The following EXOSC5 variants were observed in gnomAD, a reference collection of about 807,000 sequenced individuals.
EXOSC5 encodes the protein exosome complex component RRP46.
Under a neutral mutation model 23.7 loss-of-function variants are expected in EXOSC5, and 15 were observed. That is an observed-to-expected ratio of 0.63 (90% CI 0.42 to 0.97). EXOSC5 has a LOEUF of 0.97. EXOSC5 is among the 50% of genes least tolerant of loss of function. The pLI is 0.00. For missense variants in EXOSC5, 305 were observed against 316.3 expected (o/e 0.96, Z 0.27); for synonymous variants, 143 against 140.9 (o/e 1.02, Z -0.11).
At chr19:41,392,680 G>C (rs114918102) in intron 2 of EXOSC5, among the ~76,000 whole-genome samples, 187 bp downstream of exon 2, 4,407 of 152,082 alleles carry the variant, frequency 0.029, 194 homozygotes, top group African/African-American at 0.1. Context: ...GAGGGAGGGA[G>C]AAATTAGAGG....
chr19:41,387,569 C>T lies in EXOSC5; in HGVS notation c.560G>A (p.Ser187Asn). Residue 187 changes from serine (S) to asparagine (N), a missense_variant, in exon 5 of 6, where the codon AGC (serine) becomes AAC (asparagine). Ser to Asn is a conservative substitution (Grantham distance 46). Transcript: ENST00000221233. Reference protein sequence around the residue: ...ARAVLTFALDSVERKLLMSST... With the variant: ...ARAVLTFALDNVERKLLMSST... ...GGACATCAGCAGCTTCCGTTCCACG[C>T]TGTCCAGGGCAAAGGTCAGGACTGC... is the stretch of plus-strand genomic sequence containing the variant. The T allele has an allele frequency of 6.2e-7, 1 of 1,606,646 alleles. No individual in the cohort carries two copies. Among genetic ancestry groups the T allele is most frequent in the Non-Finnish European group, 8.5e-7 (1 of 1,177,080 alleles).
chr19:41,392,010 A>G (rs1379169832), intron 2 of EXOSC5, 48 bp from the exon 3 acceptor site: 1 of 1,557,734 alleles, frequency 6.4e-7, no homozygotes, highest in South Asian at 1.2e-5. Context: ...CATTTGACTC[A>G]CCTTCCTCCA....
chr19:41,396,617 CT>C (rs60285872), intron 1 of EXOSC5, among the ~76,000 whole-genome samples: 381 of 130,148 alleles, frequency 2.9e-3, no homozygotes, highest in African/African-American at 5.7e-3. Context: ...TTGCCCTAAT[CT>C]TTTTTTTTTT....
chr19:41,391,425 A>G (rs1320912874), intron 3 of EXOSC5: 1 of 177,218 alleles, frequency 5.6e-6, no homozygotes, highest in East Asian at 1.5e-4. Flanking sequence ...CTCTGGAGTC[A>G]GACTGGCCTG....
chr19:41,389,935 T>C, intron 3 of EXOSC5, 30 bp from the exon 4 acceptor site: 1 of 233,622 alleles, frequency 4.3e-6, no homozygotes. Context: ...GTTAAGTTTC[T>C]TTTTTTTTTT....
chr19:41,387,594 C>T lies in EXOSC5; in HGVS notation c.535G>A (p.Ala179Thr), dbSNP rs151051277. Residue 179 changes from alanine (A) to threonine (T), a missense_variant, in exon 5 of 6, where the codon GCA (alanine) becomes ACA (threonine). Physicochemically the swap from Ala to Thr is moderately conservative, Grantham distance 58. Transcript: ENST00000221233. Reference protein sequence around the residue: ...PTSKQEKEARAVLTFALDSVE... With the variant: ...PTSKQEKEARTVLTFALDSVE... ...CTGTCCAGGGCAAAGGTCAGGACTGCCCGGGCCTCCTAGGGACAAGGGGTA... is the reference window on the plus strand; with the variant it reads ...CTGTCCAGGGCAAAGGTCAGGACTGTCCGGGCCTCCTAGGGACAAGGGGTA... 104 of 1,598,060 alleles carry T rather than the reference C, an allele frequency of 6.5e-5. No individual in the cohort carries two copies. Among genetic ancestry groups the T allele is most frequent in the Non-Finnish European group, 8.6e-5 (101 of 1,173,392 alleles).
chr19:41,397,085 T>G, intron 1 of EXOSC5, 96 bp downstream of exon 1: 1 of 1,402,740 alleles, frequency 7.1e-7, no homozygotes, highest in Non-Finnish European at 9.8e-7. Flanking sequence ...AACGCAGGAG[T>G]GACATTTACC....
intron 5 of EXOSC5, among the ~76,000 whole-genome samples, chr19:41,387,284 T>A (rs1164856008): frequency 6.6e-6 from 1 of 152,208 alleles, no homozygotes; most frequent in East Asian, 1.9e-4. Context: ...CATGCCCTCT[T>A]CTGACTTCAA....
At chr19:41,395,122 G>A (rs188031234) in intron 1 of EXOSC5, among the ~76,000 whole-genome samples, 27 of 151,976 alleles carry the variant, frequency 1.8e-4, no homozygotes, top group Admixed American at 1.6e-3. Context: ...AACTGCACCC[G>A]GCCTCTTCTT....
intron 3 of EXOSC5, 119 bp downstream of exon 3, chr19:41,391,722 T>G: frequency 3.0e-6 from 4 of 1,342,416 alleles, no homozygotes; most frequent in Non-Finnish European, 3.9e-6. Flanking sequence ...CCTTCTTCAG[T>G]GAGCTGGTAC....
chr19:41,392,236 T>G, intron 2 of EXOSC5: 1 of 465,526 alleles, frequency 2.1e-6, no homozygotes, highest in Non-Finnish European at 3.8e-6. Flanking sequence ...ACTCCCACCC[T>G]AGCAGGTCCA....
intron 4 of EXOSC5, among the ~76,000 whole-genome samples, chr19:41,389,406 C>G (rs2039006732): frequency 1.3e-5 from 2 of 152,236 alleles, no homozygotes; most frequent in South Asian, 4.1e-4. Context: ...GCTGGGATTA[C>G]AGGCGTGCGC....
At position 41,397,349 on chromosome 19, in the gene EXOSC5, C is replaced by T; in HGVS notation, c.-21G>A. ...TCCATCGCGCCGAGCCCACGTGCGG[C>T]TGCAGTTGTCACTTCCGCCTGGCAG... On this transcript the variant is annotated 5_prime_UTR_variant, in exon 1 of 6. Transcript: ENST00000221233. 6.3e-7 allele frequency: 1 copy of T among 1,595,454 alleles called. No homozygotes were observed. Among genetic ancestry groups the T allele is most frequent in the Non-Finnish European group, 8.6e-7 (1 of 1,166,162 alleles).
At position 41,389,908 on chromosome 19, in the gene EXOSC5, G is replaced by A; in HGVS notation, c.385-3C>T. 1.9e-6 allele frequency: 3 copies of A among 1,583,946 alleles called. No homozygotes were observed. Among genetic ancestry groups the A allele is most frequent in the Non-Finnish European group, 2.6e-6 (3 of 1,170,910 alleles). ...GCATTCAGACAACAGGCCAGGAGCT[G>A]AGCACCACAGGAAATGGTTAAGTTT... On this transcript the variant is annotated splice_polypyrimidine_tract_variant and splice_region_variant and intron_variant, in intron 3 of 5. Transcript: ENST00000221233.
chr19:41,386,957 C>T (rs1295459729), intron 5 of EXOSC5, among the ~76,000 whole-genome samples: 1 of 152,170 alleles, frequency 6.6e-6, no homozygotes, highest in East Asian at 1.9e-4. Context: ...CTGACAGCAA[C>T]AGGACTCAGA....
chr19:41,393,343 C>T (rs1352522733), intron 1 of EXOSC5, among the ~76,000 whole-genome samples: 1 of 152,158 alleles, frequency 6.6e-6, no homozygotes, highest in Non-Finnish European at 1.5e-5. Context: ...CGGCTCATTG[C>T]AGCCTTGACC....
intron 5 of EXOSC5, among the ~76,000 whole-genome samples, chr19:41,387,245 A>G (rs547277161): frequency 6.6e-6 from 1 of 151,948 alleles, no homozygotes; most frequent in African/African-American, 2.4e-5. Context: ...ATGGCTCACC[A>G]CTCTGAGCTG....
In EXOSC5 at chr19:41,392,900, C is replaced by T. The variant is rs753050670; in HGVS notation, c.229G>A (p.Glu77Lys). ...SKEIFNKATL[E>K]VILRPKIGLP... ...CCAATCTTCGGCCTCAGGATCACTT[C>T]GAGTGTGGCCTTGTTGAAAATCTCT... is the stretch of plus-strand genomic sequence containing the variant. The change falls in exon 2 of 6, where the codon GAA becomes AAA. Residue 77 changes from glutamate (E) to lysine (K), a missense_variant. Transcript: ENST00000221233. 9.9e-6 allele frequency: 16 copies of T among 1,613,852 alleles called. No individual in the cohort carries two copies. Among genetic ancestry groups the T allele is most frequent in the African/African-American group, 8.0e-5 (6 of 74,914 alleles).
Position 41,386,498 on chromosome 19 carries a change from G to C in EXOSC5, c.*135C>G, listed in dbSNP as rs1313624066. 1.3e-6 allele frequency: 1 copy of C among 786,236 alleles called. No homozygotes were observed. The allele number at this position is 786,236 out of a possible 1,614,324, so 48.7% of individuals were successfully genotyped here. A position where few individuals can be genotyped will look rare whatever the true frequency, so the allele number is the denominator to read the frequency against. ...GTCACAGGCCAAGGCCTCCCCACAGGAGCCCTGTGGTTACAGAGCTGCAGG... is the reference window on the plus strand; with the variant it reads ...GTCACAGGCCAAGGCCTCCCCACAGCAGCCCTGTGGTTACAGAGCTGCAGG... On this transcript the variant is annotated 3_prime_UTR_variant, in exon 6 of 6. Coordinates refer to ENST00000221233, the MANE Select transcript of EXOSC5 (RefSeq NM_020158.4).
Sources: allele counts gnomAD v4.1 joint callset (sites outside exome capture counted in the v4.1 genomes callset), GRCh38; gene constraint gnomAD v4.1.1; transcripts MANE v1.5; gene names NCBI Gene and HGNC (gene_info 2026-07-23, HGNC 2026-07-21).